Variants in NEGR1 observed in about 807,000 individuals in gnomAD.
NEGR1 encodes the protein neuronal growth regulator 1.
NEGR1 carries 10 observed loss-of-function variants against 40.9 expected under a neutral mutation model. That is an observed-to-expected ratio of 0.24 (90% CI 0.15 to 0.42). NEGR1 has a LOEUF of 0.42. Among genes scored for constraint, NEGR1 ranks in the 10% least tolerant of loss-of-function variants. NEGR1 has a pLI of 1.00. For synonymous variants in NEGR1, 185 were observed against 166.8 expected (o/e 1.11, Z -0.84); for missense variants, 352 against 438.9 (o/e 0.80, Z 1.77).
At chr1:71,533,666 A>T (rs890083830) in intron 6 of NEGR1, among the ~76,000 whole-genome samples, 1 of 151,686 alleles carries the variant, frequency 6.6e-6, no homozygotes, top group African/African-American at 2.4e-5. Context: ...TATCTAACAA[A>T]TAAATTCTAT....
At chr1:71,625,112 C>A (rs1232141941) in intron 4 of NEGR1, among the ~76,000 whole-genome samples, 2 of 152,014 alleles carry the variant, frequency 1.3e-5, no homozygotes, top group Admixed American at 1.3e-4. Flanking sequence ...GTCATAATTT[C>A]ATTCACCTTT....
intron 1 of NEGR1, among the ~76,000 whole-genome samples, chr1:72,112,140 A>AC (rs1649395318): frequency 6.6e-6 from 1 of 151,812 alleles, no homozygotes; most frequent in African/African-American, 2.4e-5. Flanking sequence ...TCATAACATA[A>AC]AGAAACCTAT....
chr1:71,880,409 T>C (rs1660550988), intron 2 of NEGR1, among the ~76,000 whole-genome samples: 1 of 152,062 alleles, frequency 6.6e-6, no homozygotes, highest in South Asian at 2.1e-4. Context: ...TGCCCCCAAT[T>C]ACTTAACCAA....
At chr1:71,933,839 G>C (rs1248811630) in intron 2 of NEGR1, among the ~76,000 whole-genome samples, 14 of 152,022 alleles carry the variant, frequency 9.2e-5, no homozygotes, top group Admixed American at 9.2e-4. Context: ...TGTTTAAGAA[G>C]TTTAACCTCA....
At chr1:71,840,872 A>G (rs917491046) in intron 2 of NEGR1, among the ~76,000 whole-genome samples, 1 of 152,150 alleles carries the variant, frequency 6.6e-6, no homozygotes, top group African/African-American at 2.4e-5. Flanking sequence ...GGCGGGCCCC[A>G]TCCAATCAGC....
In NEGR1 at chr1:71,941,317, A is replaced by G. The variant is rs148372306; in HGVS notation, c.177-6006T>C. The stretch of plus-strand genomic sequence containing the variant: ...TTATATGGAAGAGAACAGAAATTTT[A>G]CCATCTTTCTCCCCTACCTTTGTTT... On this transcript the variant is annotated intron_variant, in intron 1 of 6. Transcript: ENST00000357731. Among the ~76,000 whole-genome samples the G allele has an allele frequency of 6.5e-3, 988 of 151,378 alleles. 15 individuals are homozygous for G. The highest frequency in any genetic ancestry group is 0.023 in the African/African-American group (949 of 41,356).
intron 6 of NEGR1, among the ~76,000 whole-genome samples, chr1:71,412,541 T>C (rs1646330132): frequency 6.6e-6 from 1 of 152,208 alleles, no homozygotes; most frequent in African/African-American, 2.4e-5. Flanking sequence ...ATGTGTTCAA[T>C]TGATGTTTAC....
intron 2 of NEGR1, among the ~76,000 whole-genome samples, chr1:71,921,631 A>G (rs566302300): frequency 4.1e-4 from 61 of 148,798 alleles, no homozygotes; most frequent in Non-Finnish European, 7.7e-4. Context: ...TATAGAATAC[A>G]TATATATTCT....
chr1:71,674,557 G>A (rs760855875), intron 4 of NEGR1, among the ~76,000 whole-genome samples: 1 of 149,152 alleles, frequency 6.7e-6, no homozygotes, highest in Non-Finnish European at 1.5e-5. Flanking sequence ...TGGCCCAATC[G>A]AAATACTCTG....
At chr1:71,759,518 T>C (rs1245435843) in intron 3 of NEGR1, among the ~76,000 whole-genome samples, 1 of 150,276 alleles carries the variant, frequency 6.7e-6, no homozygotes, top group African/African-American at 2.4e-5. Context: ...AGGATGGTCT[T>C]GATCTCCTGA....
intron 1 of NEGR1, among the ~76,000 whole-genome samples, chr1:72,232,551 G>A (rs1654400751): frequency 6.6e-6 from 1 of 152,088 alleles, no homozygotes; most frequent in Non-Finnish European, 1.5e-5. Flanking sequence ...GCTATAGTCT[G>A]GCCTTGATAA....
At chr1:71,877,016 G>A (rs116589020) in intron 2 of NEGR1, among the ~76,000 whole-genome samples, 2,320 of 152,102 alleles carry the variant, frequency 0.015, 53 homozygotes, top group South Asian at 0.1. Flanking sequence ...GTAATAGTGT[G>A]GATGGAAATA....
chr1:72,083,844 C>A (rs2100532219), intron 1 of NEGR1, among the ~76,000 whole-genome samples: 1 of 152,238 alleles, frequency 6.6e-6, no homozygotes, highest in African/African-American at 2.4e-5. Flanking sequence ...TATCAACGTT[C>A]TGCCCCAGAG....
At chr1:71,888,095 T>A (rs955823601) in intron 2 of NEGR1, among the ~76,000 whole-genome samples, 1 of 152,056 alleles carries the variant, frequency 6.6e-6, no homozygotes, top group Non-Finnish European at 1.5e-5. Flanking sequence ...CATAATTTAT[T>A]CTTCAACTTG....
chr1:71,787,685 T>C (rs2101731394), intron 2 of NEGR1, among the ~76,000 whole-genome samples: 1 of 152,280 alleles, frequency 6.6e-6, no homozygotes, highest in Non-Finnish European at 1.5e-5. Context: ...GTTGGACAAT[T>C]TTCTTGATAT....
At chr1:72,270,765 G>A (rs1655815952) in intron 1 of NEGR1, among the ~76,000 whole-genome samples, 1 of 151,664 alleles carries the variant, frequency 6.6e-6, no homozygotes, top group African/African-American at 2.4e-5. Context: ...CTTCAAGTAA[G>A]TGAATCAAAT....
chr1:71,815,445 A>G (rs998995373), intron 2 of NEGR1, among the ~76,000 whole-genome samples: 1 of 152,046 alleles, frequency 6.6e-6, no homozygotes, highest in African/African-American at 2.4e-5. Context: ...GGCTGAGGTC[A>G]AGTCCTAAAT....
chr1:72,264,713 A>G (rs1655581671), intron 1 of NEGR1, among the ~76,000 whole-genome samples: 1 of 150,776 alleles, frequency 6.6e-6, no homozygotes. Flanking sequence ...TAAATGAATT[A>G]CTTTTAATGA....
At chr1:72,085,724 C>A (rs755437490) in intron 1 of NEGR1, among the ~76,000 whole-genome samples, 23 of 152,026 alleles carry the variant, frequency 1.5e-4, no homozygotes, top group Non-Finnish European at 2.6e-4. Flanking sequence ...AATCCCAGCA[C>A]TTTGGGAGGC....
Sources: gnomAD v4.1 joint callset for allele counts (sites outside exome capture counted in the v4.1 genomes callset) on GRCh38, gnomAD v4.1.1 for gene constraint, MANE v1.5 for transcripts, NCBI Gene and HGNC (gene_info 2026-07-23, HGNC 2026-07-21) for gene names.